The following RANBP2 variants were observed in gnomAD, a reference collection of about 807,000 sequenced individuals.
The protein encoded by RANBP2 is RAN binding protein 2, also known as E3 SUMO-protein ligase RanBP2.
Under a neutral mutation model 303.6 loss-of-function variants are expected in RANBP2, and 57 were observed. The ratio of observed to expected loss-of-function variants is 0.19; its 90% CI spans 0.15 to 0.23. RANBP2 has a LOEUF of 0.23. Among genes scored for constraint, RANBP2 ranks in the 10% least tolerant of loss-of-function variants. The pLI is 1.00. For missense variants in RANBP2, 3,138 were observed against 3,780.8 expected (o/e 0.83, Z 4.46); for synonymous variants, 1,167 against 1,301.5 (o/e 0.90, Z 2.23).
the RANBP2 span, among the ~76,000 whole-genome samples, chr2:109,708,528 A>G: frequency 6.6e-6 from 1 of 152,080 alleles, no homozygotes; most frequent in East Asian, 1.9e-4. Flanking sequence ...GTGGTGGTGC[A>G]TGCCTGTAGT....
chr2:108,971,358 C>G, the RANBP2 span, among the ~76,000 whole-genome samples: 1 of 152,068 alleles, frequency 6.6e-6, no homozygotes. Flanking sequence ...AGGCCGCACC[C>G]GAGACCTCCA....
the RANBP2 span, among the ~76,000 whole-genome samples, chr2:109,602,636 T>C: frequency 2.1e-3 from 308 of 148,044 alleles, 1 homozygote; most frequent in African/African-American, 6.3e-3. Context: ...GATCGCACCA[T>C]TGCACTCCAG....
At chr2:108,974,145 T>G in the RANBP2 span, among the ~76,000 whole-genome samples, 1 of 151,018 alleles carries the variant, frequency 6.6e-6, no homozygotes, top group Non-Finnish European at 1.5e-5. Context: ...CTGGCTAACA[T>G]GGTGAAACCC....
the RANBP2 span, among the ~76,000 whole-genome samples, chr2:109,275,643 A>G: frequency 2.0e-5 from 3 of 152,130 alleles, no homozygotes; most frequent in African/African-American, 7.2e-5. Context: ...TGCACTTCCA[A>G]GTTCAAGGAT....
chr2:109,637,957 C>CA, the RANBP2 span, among the ~76,000 whole-genome samples: 1 of 152,156 alleles, frequency 6.6e-6, no homozygotes, highest in South Asian at 2.1e-4. Flanking sequence ...GACTCCATCT[C>CA]AAAAACCAAC....
chr2:108,930,440 G>T, the RANBP2 span, among the ~76,000 whole-genome samples: 1 of 151,994 alleles, frequency 6.6e-6, no homozygotes, highest in African/African-American at 2.4e-5. Context: ...ACCTGGGCAC[G>T]GCCAGCCCCC....
chr2:108,777,032 G>A (rs1677937354), intron 24 of RANBP2, 98 bp from the exon 25 acceptor site: 4 of 993,544 alleles, frequency 4.0e-6, no homozygotes, highest in Non-Finnish European at 4.7e-6. Context: ...CCTCATCCCA[G>A]AGTATACAAG....
the RANBP2 span, among the ~76,000 whole-genome samples, chr2:109,387,319 C>T: frequency 6.6e-6 from 1 of 152,158 alleles, no homozygotes; most frequent in Non-Finnish European, 1.5e-5. Context: ...CTGTTGTGTC[C>T]CTGTGCTGCT....
the RANBP2 span, among the ~76,000 whole-genome samples, chr2:108,939,893 A>T: frequency 6.6e-6 from 1 of 152,174 alleles, no homozygotes; most frequent in Non-Finnish European, 1.5e-5. Context: ...AGAGAACAGA[A>T]AGTTGGCACC....
At chr2:109,231,509 G>C in the RANBP2 span, among the ~76,000 whole-genome samples, 1 of 152,112 alleles carries the variant, frequency 6.6e-6, no homozygotes, top group African/African-American at 2.4e-5. Context: ...CATCTATGAA[G>C]AATAAATATC....
At chr2:109,161,781 A>G in the RANBP2 span, among the ~76,000 whole-genome samples, 11 of 151,880 alleles carry the variant, frequency 7.2e-5, no homozygotes, top group African/African-American at 2.7e-4. Flanking sequence ...CTCACTCACC[A>G]CCACCCCCAG....
At chr2:109,587,933 A>C in the RANBP2 span, among the ~76,000 whole-genome samples, 3 of 151,848 alleles carry the variant, frequency 2.0e-5, no homozygotes, top group East Asian at 1.9e-4. Context: ...AACAAAAACA[A>C]ACACACACAA....
the RANBP2 span, among the ~76,000 whole-genome samples, chr2:109,515,474 GAGCCATTGGCAGTGC>G: frequency 6.6e-6 from 1 of 152,080 alleles, no homozygotes; most frequent in Non-Finnish European, 1.5e-5. Context: ...TGGAGGACAA[GAGCCATTGGCAGTGC>G]AGGCCCTTCC....
the RANBP2 span, among the ~76,000 whole-genome samples, chr2:109,005,186 C>T: frequency 2.0e-5 from 3 of 152,248 alleles, no homozygotes; most frequent in Non-Finnish European, 4.4e-5. Flanking sequence ...AGACTATTAA[C>T]ATGGGCCTTG....
the RANBP2 span, among the ~76,000 whole-genome samples, chr2:109,627,482 C>A: frequency 6.6e-6 from 1 of 152,238 alleles, no homozygotes; most frequent in Admixed American, 6.5e-5. Context: ...CAGGCATGAG[C>A]CACCATGCCC....
the RANBP2 span, chr2:109,615,148 T>G: frequency 6.5e-7 from 1 of 1,549,372 alleles, no homozygotes; most frequent in Non-Finnish European, 8.7e-7. Flanking sequence ...AAGAGGAGCG[T>G]GTGTCCCGGG....
At chr2:109,170,242 CTTT>C in the RANBP2 span, among the ~76,000 whole-genome samples, 4 of 9,788 alleles carry the variant, frequency 4.1e-4, no homozygotes, top group East Asian at 0.01. Flanking sequence ...CTCTTCTTTT[CTTT>C]TCTCTTCTCT....
At chr2:108,798,355 G>A in the RANBP2 span, 10 of 1,527,134 alleles carry the variant, frequency 6.5e-6, no homozygotes, top group South Asian at 3.8e-5. Flanking sequence ...AAACCACAGT[G>A]TCAGCCAATA....
the RANBP2 span, chr2:108,846,854 A>G: frequency 6.2e-7 from 1 of 1,613,816 alleles, no homozygotes; most frequent in East Asian, 2.2e-5. Flanking sequence ...AACCAAAGAC[A>G]GCTGCTTTCT....
Sources: gnomAD v4.1 joint callset for allele counts (sites outside exome capture counted in the v4.1 genomes callset) on GRCh38, gnomAD v4.1.1 for gene constraint, MANE v1.5 for transcripts, NCBI Gene and HGNC (gene_info 2026-07-23, HGNC 2026-07-21) for gene names.